The following ZDHHC15 variants were observed in gnomAD, a reference collection of about 807,000 sequenced individuals.
The protein encoded by ZDHHC15 is palmitoyltransferase ZDHHC15.
Under a neutral mutation model 31.7 loss-of-function variants are expected in ZDHHC15, and 19 were observed. The ratio of observed to expected loss-of-function variants is 0.60; its 90% CI spans 0.42 to 0.88. The LOEUF (loss-of-function observed/expected upper bound fraction) is 0.88. Among genes scored for constraint, ZDHHC15 ranks in the 40% least tolerant of loss-of-function variants. ZDHHC15 has a pLI of 0.00. For missense variants in ZDHHC15, 209 were observed against 251.2 expected, an observed-to-expected ratio of 0.83 and a Z score of 1.14; for synonymous variants, 103 against 90.0, an observed-to-expected ratio of 1.14 and a Z score of -0.82.
intron 2 of ZDHHC15, among the ~76,000 whole-genome samples, chrX:75,482,148 G>T (rs753655693): frequency 9.0e-6 from 1 of 110,911 alleles, no homozygotes; most frequent in Non-Finnish European, 1.9e-5. Flanking sequence ...GGGAACAAGG[G>T]TTGAAAAACT....
intron 9 of ZDHHC15, among the ~76,000 whole-genome samples, chrX:75,421,443 A>G (rs1329225502): frequency 1.5e-5 from 1 of 67,466 alleles, no homozygotes; most frequent in Non-Finnish European, 2.5e-5. Context: ...AATATATATT[A>G]TATATATATA....
At chrX:75,379,300 A>T in intron 10 of ZDHHC15, 102 bp from the exon 11 acceptor site, 1 of 838,129 alleles carries the variant, frequency 1.2e-6, no homozygotes, top group Non-Finnish European at 1.8e-6. Flanking sequence ...TCTGCAGGCA[A>T]CAGATACCTG....
intron 10 of ZDHHC15, among the ~76,000 whole-genome samples, chrX:75,414,126 G>T (rs1163094769): frequency 1.8e-5 from 2 of 111,684 alleles, no homozygotes; most frequent in African/African-American, 6.5e-5. Flanking sequence ...CTAAAATATA[G>T]CCCCAAGACT....
chrX:75,463,591 A>ACAACAG (rs1401248773), intron 3 of ZDHHC15, among the ~76,000 whole-genome samples: 1 of 110,234 alleles, frequency 9.1e-6, no homozygotes, highest in Non-Finnish European at 1.9e-5. Context: ...AACAACAACA[A>ACAACAG]CAACAACAAC....
intron 3 of ZDHHC15, among the ~76,000 whole-genome samples, chrX:75,476,062 T>C (rs1389171458): frequency 9.0e-6 from 1 of 111,322 alleles, no homozygotes; most frequent in African/African-American, 3.3e-5. Context: ...GATGTGGTGA[T>C]TTTGTATCCT....
chrX:75,515,443 A>C (rs1007791417), intron 1 of ZDHHC15, among the ~76,000 whole-genome samples: 1 of 111,728 alleles, frequency 9.0e-6, no homozygotes, highest in Non-Finnish European at 1.9e-5. Flanking sequence ...GCAAATCAAT[A>C]AACGTAGTCC....
intron 2 of ZDHHC15, among the ~76,000 whole-genome samples, chrX:75,481,831 T>C (rs922984996): frequency 8.9e-6 from 1 of 111,942 alleles, no homozygotes; most frequent in African/African-American, 3.2e-5. Context: ...AAGCCACCCA[T>C]AAAGGTTATT....
chrX:75,384,826 T>A (rs918534803), intron 10 of ZDHHC15: 147 of 635,427 alleles, frequency 2.3e-4, no homozygotes, highest in Non-Finnish European at 6.0e-5. Flanking sequence ...ATTTATGGCA[T>A]AATAGGTGTT....
intron 3 of ZDHHC15, among the ~76,000 whole-genome samples, chrX:75,475,719 A>C (rs2084593224): frequency 9.0e-6 from 1 of 111,364 alleles, no homozygotes; most frequent in Non-Finnish European, 1.9e-5. Context: ...ATTCCATATA[A>C]ATTTTAGAAA....
intron 2 of ZDHHC15, among the ~76,000 whole-genome samples, chrX:75,497,702 A>G (rs1409183175): frequency 8.9e-6 from 1 of 111,758 alleles, no homozygotes; most frequent in African/African-American, 3.3e-5. Flanking sequence ...GATACACCAT[A>G]TAAATGGAAT....
At chrX:75,408,159 T>C (rs1255374105) in intron 10 of ZDHHC15, among the ~76,000 whole-genome samples, 1 of 109,457 alleles carries the variant, frequency 9.1e-6, no homozygotes, top group African/African-American at 3.3e-5. Flanking sequence ...TATTGTCCTA[T>C]GACCCTGCCA....
chrX:75,401,621 A>T (rs1312745201), intron 10 of ZDHHC15, among the ~76,000 whole-genome samples: 1 of 112,429 alleles, frequency 8.9e-6, no homozygotes, highest in African/African-American at 3.2e-5. Flanking sequence ...CTGCAAACCA[A>T]CAAATATAAA....
intron 2 of ZDHHC15, among the ~76,000 whole-genome samples, chrX:75,496,972 A>G (rs934368773): frequency 4.5e-5 from 5 of 110,289 alleles, no homozygotes; most frequent in African/African-American, 1.7e-4. Context: ...AAGCAAGTGG[A>G]AAAAAAAAGT....
chrX:75,415,510 G>A (rs1210620960), intron 10 of ZDHHC15, among the ~76,000 whole-genome samples: 1 of 112,203 alleles, frequency 8.9e-6, no homozygotes, highest in Non-Finnish European at 1.9e-5. Flanking sequence ...TCACAGCACT[G>A]TGTCTCATAT....
intron 1 of ZDHHC15, among the ~76,000 whole-genome samples, chrX:75,513,294 A>AT (rs1225406685): frequency 8.9e-6 from 1 of 111,842 alleles, no homozygotes; most frequent in African/African-American, 3.2e-5. Flanking sequence ...AGCTATTTTT[A>AT]TTTTTTAATC....
chrX:75,495,201 C>A (rs1312186733), intron 2 of ZDHHC15, among the ~76,000 whole-genome samples: 2 of 112,156 alleles, frequency 1.8e-5, no homozygotes, highest in Admixed American at 1.9e-4. Context: ...CACTGGCATT[C>A]AGAGAAATGC....
intron 10 of ZDHHC15, among the ~76,000 whole-genome samples, chrX:75,414,426 C>CTTTTTTT (rs1177332052): frequency 6.0e-5 from 4 of 66,195 alleles, no homozygotes; most frequent in African/African-American, 6.0e-5. Flanking sequence ...CATATTTTAT[C>CTTTTTTT]TTTTTTTTTT....
intron 1 of ZDHHC15, among the ~76,000 whole-genome samples, chrX:75,508,649 C>G (rs1350058804): frequency 9.1e-6 from 1 of 110,438 alleles, no homozygotes; most frequent in Non-Finnish European, 1.9e-5. Context: ...TTATAATCCT[C>G]TGGGTATATA....
intron 8 of ZDHHC15, among the ~76,000 whole-genome samples, chrX:75,422,695 G>A (rs947724457): frequency 9.0e-6 from 1 of 111,422 alleles, no homozygotes; most frequent in Non-Finnish European, 1.9e-5. Context: ...GCTTTTAGTG[G>A]TTTTCCACTT....
Sources: allele counts gnomAD v4.1 joint callset (sites outside exome capture counted in the v4.1 genomes callset), GRCh38; gene constraint gnomAD v4.1.1; transcripts MANE v1.5; gene names NCBI Gene and HGNC (gene_info 2026-07-23, HGNC 2026-07-21).